Variants in SECISBP2 observed in about 807,000 individuals in gnomAD.
SECISBP2 encodes SECIS binding protein 2, also known as selenocysteine insertion sequence-binding protein 2.
In SECISBP2, 96 loss-of-function variants were observed where a neutral mutation model predicts 98.2. The observed-to-expected ratio is 0.98, with a 90% CI of 0.83 to 1.16. The LOEUF is 1.16. SECISBP2 is among the 50% of genes most tolerant of loss of function. The pLI, the probability that SECISBP2 is intolerant of heterozygous loss-of-function variation, is 0.00. For missense variants in SECISBP2, 1,046 were observed against 1,022.9 expected (o/e 1.02, Z -0.31); for synonymous variants, 407 against 370.2 (o/e 1.10, Z -1.14).
At chr9:89,325,383 T>G in intron 2 of SECISBP2, 44 bp from the exon 3 acceptor site, 10 of 1,594,974 alleles carry the variant, frequency 6.3e-6, no homozygotes, top group Non-Finnish European at 8.6e-6. Flanking sequence ...GCTTCTTGGT[T>G]TGCAGTATGA....
chr9:89,362,259 G>T (rs933012251), downstream of SECISBP2: 37 of 1,405,042 alleles, frequency 2.6e-5, no homozygotes, highest in African/African-American at 4.7e-4. Context: ...ATCAGGTGGT[G>T]GCCCAATGGC....
rs764096696 is a variant in SECISBP2 at position 89,350,664 on chromosome 9, A to T, written c.1925A>T (p.Asp642Val). Reference sequence around the variant, plus strand: ...AGCCAGATGCTTAGTAAAGAAGTGGATGCTTGTGTTACCGACCTACTCAAA... The same window carrying T: ...AGCCAGATGCTTAGTAAAGAAGTGGTTGCTTGTGTTACCGACCTACTCAAA... Reference protein sequence around the residue: ...YCSQMLSKEVDACVTDLLKEL... With the variant: ...YCSQMLSKEVVACVTDLLKEL... Residue 642 changes from aspartate (D) to valine (V), a missense_variant, in exon 14 of 17, where the codon GAT becomes GTT. Coordinates refer to ENST00000375807, the MANE Select transcript of SECISBP2 (RefSeq NM_024077.5). The T allele has an allele frequency of 6.2e-7, 1 of 1,614,026 alleles. No individual in the cohort carries two copies. Among genetic ancestry groups the T allele is most frequent in the Non-Finnish European group, 8.5e-7 (1 of 1,179,996 alleles).
In SECISBP2 at chr9:89,328,757, T is replaced by C; in HGVS notation, c.672T>C (p.Pro224=). ...PEFEFTTLDF[P]ELQGAENNMS... The stretch of plus-strand genomic sequence containing the variant: ...TTGAATTTACCACACTGGACTTTCC[T>C]GAACTGCAAGGTGCAGAGAACAATA... The change falls in exon 5 of 17, where the codon CCT becomes CCC. Residue 224 remains proline, a synonymous_variant. Transcript: ENST00000375807. 1 of 1,614,212 alleles carries C rather than the reference T, an allele frequency of 6.2e-7. No individual in the cohort carries two copies. The highest frequency in any genetic ancestry group is 8.5e-7 in the Non-Finnish European group (1 of 1,180,030).
chr9:89,358,234 T>TA (rs1564459114), intron 16 of SECISBP2, 43 bp downstream of exon 16: 3 of 1,573,554 alleles, frequency 1.9e-6, no homozygotes, highest in Non-Finnish European at 2.6e-6. Context: ...AGTGTCCTCT[T>TA]ATTTACTGAC....
At chr9:89,360,922 G>A (rs1338334276), downstream of SECISBP2, 1 of 152,242 alleles carries the variant, frequency 6.6e-6, no homozygotes, top group African/African-American at 2.4e-5. Context: ...TTTGTTAAGT[G>A]TGAAAGTGCT....
intron 1 of SECISBP2, 123 bp downstream of exon 1, chr9:89,318,735 G>A: frequency 8.1e-7 from 1 of 1,239,826 alleles, no homozygotes; most frequent in Non-Finnish European, 1.0e-6. Context: ...TGACGGCACG[G>A]GAGCGCCCTA....
intron 2 of SECISBP2, among the ~76,000 whole-genome samples, chr9:89,321,524 G>A (rs942067834): frequency 4.6e-5 from 7 of 152,118 alleles, no homozygotes; most frequent in Non-Finnish European, 8.8e-5. Flanking sequence ...AAAATTAGCC[G>A]GGTGTGGTGG....
chr9:89,328,522 C>T, intron 4 of SECISBP2, 138 bp from the exon 5 acceptor site: 1 of 704,296 alleles, frequency 1.4e-6, no homozygotes, highest in Non-Finnish European at 2.6e-6. Flanking sequence ...GTGAACAACA[C>T]CGGTAAGAGT....
intron 2 of SECISBP2, 79 bp from the exon 3 acceptor site, chr9:89,325,348 G>A (rs1362317426): frequency 1.5e-6 from 2 of 1,328,300 alleles, no homozygotes; most frequent in African/African-American, 2.9e-5. Flanking sequence ...TAAATGTTCA[G>A]TTTGAATTAG....
rs538789856 is a variant in SECISBP2, at chr9:89,337,921, G to A, written c.1090-537G>A. ...AGCTTAGCCAAATTCTAGTGAAGGG[G>A]CTTCAGTGCAAAGGCCCTGTGGCCA... On this transcript the variant is annotated intron_variant, in intron 7 of 16. Coordinates refer to ENST00000375807, the MANE Select transcript of SECISBP2 (RefSeq NM_024077.5). 6.6e-4 allele frequency among the ~76,000 whole-genome samples: 101 copies of A among 152,362 alleles called. 1 individual carries two copies. Among genetic ancestry groups the A allele is most frequent in the African/African-American group, 2.4e-3 (98 of 41,582 alleles).
chr9:89,335,171 G>A (rs1329704268), intron 7 of SECISBP2, among the ~76,000 whole-genome samples: 6 of 149,008 alleles, frequency 4.0e-5, no homozygotes, highest in South Asian at 2.1e-4. Context: ...AGCCAAGATC[G>A]CACCAGTGCA....
intron 14 of SECISBP2, chr9:89,354,855 C>T (rs1214336757): frequency 5.1e-6 from 5 of 985,344 alleles, no homozygotes; most frequent in African/African-American, 1.7e-5. Flanking sequence ...TCTGATGTTA[C>T]GGGGGACTTC....
intron 7 of SECISBP2, among the ~76,000 whole-genome samples, chr9:89,338,083 G>C (rs1270944995): frequency 6.6e-6 from 1 of 152,224 alleles, no homozygotes; most frequent in Non-Finnish European, 1.5e-5. Flanking sequence ...CTGCAGACAG[G>C]TGTGATGTGC....
chr9:89,358,736 A>G lies in SECISBP2; in HGVS notation c.2477A>G (p.Lys826Arg). The change falls in exon 17 of 17, where the codon AAA (lysine) becomes AGA (arginine). Residue 826 changes from lysine to arginine, a missense_variant. Lys to Arg is a conservative substitution (Grantham distance 26). Coordinates refer to ENST00000375807, the MANE Select transcript of SECISBP2 (RefSeq NM_024077.5). ...EEPHYIEIWK[K>R]HLEAYSGCTL... ...CTCATTTTAGTTGAAATCTGGAAAAAACATCTGGAAGCATACAGTGGATGT... is the reference window on the plus strand; with the variant it reads ...CTCATTTTAGTTGAAATCTGGAAAAGACATCTGGAAGCATACAGTGGATGT... 1 of 1,613,130 alleles carries G rather than the reference A, an allele frequency of 6.2e-7. No homozygotes were observed. The highest frequency in any genetic ancestry group is 8.5e-7 in the Non-Finnish European group (1 of 1,179,082).
chr9:89,328,656 A>G lies in SECISBP2; in HGVS notation c.575-4A>G. 1 of 1,611,692 alleles carries G rather than the reference A, an allele frequency of 6.2e-7. No individual in the cohort carries two copies. Among genetic ancestry groups the G allele is most frequent in the Admixed American group, 1.7e-5 (1 of 60,020 alleles). On this transcript the variant is annotated splice_polypyrimidine_tract_variant and splice_region_variant and intron_variant, in intron 4 of 16. Coordinates refer to ENST00000375807, the MANE Select transcript of SECISBP2 (RefSeq NM_024077.5). ...TACTCTTACTTTTAATTTTGTAATT[A>G]CAGATGGTTACCATAAGCGAACAGA... is the stretch of plus-strand genomic sequence containing the variant.
chr9:89,360,693 A>G (rs1248026851), downstream of SECISBP2: 1 of 152,244 alleles, frequency 6.6e-6, no homozygotes, highest in Non-Finnish European at 1.5e-5. Flanking sequence ...AGCTGAGGCC[A>G]CTGCTGCAGG....
chr9:89,345,441 G>T (rs1167544407), intron 10 of SECISBP2, among the ~76,000 whole-genome samples: 1 of 152,200 alleles, frequency 6.6e-6, no homozygotes, highest in Non-Finnish European at 1.5e-5. Context: ...AGACAGGAGT[G>T]TCCACACCTA....
rs1372802431 is a variant in SECISBP2 at position 89,359,473 on chromosome 9, A to G, written c.*649A>G. 6.5e-6 allele frequency: 1 copy of G among 154,322 alleles called. No homozygotes were observed. Among genetic ancestry groups the G allele is most frequent in the African/African-American group, 2.4e-5 (1 of 41,468 alleles). The allele number at this position is 154,322 out of a possible 1,614,324, so 9.6% of individuals were successfully genotyped here. A position where few individuals can be genotyped will look rare whatever the true frequency, so the allele number is the denominator to read the frequency against. On this transcript the variant is annotated 3_prime_UTR_variant, in exon 17 of 17. Transcript: ENST00000375807. Reference sequence around the variant, plus strand: ...TTCAGTCTTTATTTTTCAAAGAAACAATGTGTATTGAAGTACCTAGATTTG... The same window carrying G: ...TTCAGTCTTTATTTTTCAAAGAAACGATGTGTATTGAAGTACCTAGATTTG...
chr9:89,324,239 T>C (rs1159957701), intron 2 of SECISBP2: 1 of 152,282 alleles, frequency 6.6e-6, no homozygotes, highest in Non-Finnish European at 1.5e-5. Context: ...TACAAAGAGC[T>C]AGTCCTCAGT....
Sources: allele counts gnomAD v4.1 joint callset (sites outside exome capture counted in the v4.1 genomes callset), GRCh38; gene constraint gnomAD v4.1.1; transcripts MANE v1.5; gene names NCBI Gene and HGNC (gene_info 2026-07-23, HGNC 2026-07-21).